The following KIAA1549 variants were observed in gnomAD, a reference collection of about 807,000 sequenced individuals.
The protein encoded by KIAA1549 is KIAA1549, also known as UPF0606 protein KIAA1549.
In KIAA1549, 70 loss-of-function variants were observed where a neutral mutation model predicts 156.4. The ratio of observed to expected loss-of-function variants is 0.45; its 90% CI spans 0.37 to 0.55. The LOEUF is 0.55. Ranked by LOEUF, KIAA1549 falls within the 20% of genes least tolerant of loss-of-function variation. KIAA1549 has a pLI of 0.00. For missense variants in KIAA1549, 2,428 were observed against 2,540.9 expected, an observed-to-expected ratio of 0.96 and a Z score of 0.96; for synonymous variants, 1,103 against 1,066.4, an observed-to-expected ratio of 1.03 and a Z score of -0.67.
At chr7:138,948,456 T>A (rs1049483250) in intron 1 of KIAA1549, among the ~76,000 whole-genome samples, 1 of 152,156 alleles carries the variant, frequency 6.6e-6, no homozygotes, top group Admixed American at 6.5e-5. Context: ...AGAGGTAGCA[T>A]GGCCCCGCCA....
chr7:138,977,604 T>A (rs898452212), intron 1 of KIAA1549, among the ~76,000 whole-genome samples: 4 of 151,628 alleles, frequency 2.6e-5, no homozygotes, highest in Admixed American at 1.3e-4. Context: ...CTGGTGGGCC[T>A]TACATTTTAA....
intron 1 of KIAA1549, among the ~76,000 whole-genome samples, chr7:138,924,325 T>G (rs1304712558): frequency 1.3e-5 from 2 of 152,180 alleles, no homozygotes; most frequent in African/African-American, 4.8e-5. Context: ...ATAAATCATT[T>G]TATGTGTCTG....
At chr7:138,879,403 A>C in intron 12 of KIAA1549, 135 bp downstream of exon 12, 1 of 606,742 alleles carries the variant, frequency 1.6e-6, no homozygotes, top group South Asian at 2.1e-5. Context: ...GGTGCTAAGA[A>C]ACCACAGGAA....
Position 138,833,067 on chromosome 7 carries a change from G to T in KIAA1549, c.*4839C>A. 1 of 232,172 alleles carries T rather than the reference G, an allele frequency of 4.3e-6. No individual in the cohort carries two copies. Among genetic ancestry groups the T allele is most frequent in the Non-Finnish European group, 8.5e-6 (1 of 117,378 alleles). 14.4% of individuals were successfully genotyped at this position (232,172 alleles called of 1,614,324 possible). A position where few individuals can be genotyped will look rare whatever the true frequency, so the allele number is the denominator to read the frequency against. On this transcript the variant is annotated 3_prime_UTR_variant, in exon 20 of 20. Transcript: ENST00000422774. ...TGCTCTGTCTGCCGGTACAGAAGTG[G>T]ACTTCCTCCTGCTCCTGTCCAGGGC...
rs1167316710 is a variant in KIAA1549 at position 138,918,798 on chromosome 7, A to G, written c.828T>C (p.Gly276=). The change falls in exon 2 of 20, where the codon GGT becomes GGC. Residue 276 remains glycine (G), a synonymous_variant. Coordinates refer to ENST00000422774, the MANE Select transcript of KIAA1549 (RefSeq NM_001164665.2). This position sits in a 1 kb window ranked among gnomAD's most constrained non-coding sequence, Gnocchi z 4.2. ...LPEIVASLTE[G]VETTLFLSSR... ...AGCTTAAAAAAAGGGTGGTTTCCAC[A>G]CCCTCTGTTAGGGAAGCCACAATCT... is the stretch of plus-strand genomic sequence containing the variant. The G allele has an allele frequency of 1.2e-6, 2 of 1,613,860 alleles. No individual in the cohort carries two copies. The highest frequency in any genetic ancestry group is 1.7e-6 in the Non-Finnish European group (2 of 1,179,896).
At chr7:138,897,014 C>T (rs773022113) in intron 9 of KIAA1549, among the ~76,000 whole-genome samples, 34 of 152,148 alleles carry the variant, frequency 2.2e-4, no homozygotes, top group Non-Finnish European at 4.4e-4. Context: ...GCTGAGGCTT[C>T]CTTCAATCGC....
intron 5 of KIAA1549, 105 bp from the exon 6 acceptor site, chr7:138,907,207 G>T: frequency 1.0e-6 from 1 of 971,690 alleles, no homozygotes. Flanking sequence ...TTTAAAGGAG[G>T]TAAAGTTTTT....
intron 1 of KIAA1549, among the ~76,000 whole-genome samples, chr7:138,975,928 C>T (rs537047104): frequency 2.6e-5 from 4 of 152,314 alleles, no homozygotes; most frequent in Admixed American, 1.3e-4. Context: ...AAGTGAGGCA[C>T]TTCCTGACAA....
chr7:138,914,522 A>G (rs566761998), intron 2 of KIAA1549, among the ~76,000 whole-genome samples: 3 of 152,282 alleles, frequency 2.0e-5, no homozygotes, highest in East Asian at 3.9e-4. Context: ...CACAGAGCAC[A>G]CAGGAAGAAT....
intron 1 of KIAA1549, among the ~76,000 whole-genome samples, chr7:138,936,453 C>T (rs1813012627): frequency 6.6e-6 from 1 of 152,176 alleles, no homozygotes; most frequent in South Asian, 2.1e-4. Flanking sequence ...CAGAGCCCTG[C>T]CTCGCACAAC....
chr7:138,846,910 G>T (rs1399171457), intron 17 of KIAA1549, among the ~76,000 whole-genome samples: 1 of 152,124 alleles, frequency 6.6e-6, no homozygotes, highest in African/African-American at 2.4e-5. Context: ...TGAAACCCAG[G>T]CTACCTATGT....
chr7:138,881,398 G>A lies in KIAA1549; in HGVS notation c.4219C>T (p.His1407Tyr). 1 of 1,613,406 alleles carries A rather than the reference G, an allele frequency of 6.2e-7. No individual in the cohort carries two copies. Among genetic ancestry groups the A allele is most frequent in the Non-Finnish European group, 8.5e-7 (1 of 1,179,720 alleles). ...AAGCCCAATAATAACCTTCCTCTGT[G>A]ACGAACATTCTTGGAAGGGATCTTT... ...KSKIPSKNVR[H>Y]RGRVSPSDAD... Residue 1407 changes from histidine to tyrosine, a missense_variant, in exon 11 of 20, where the codon CAC becomes TAC. His to Tyr is a moderately conservative substitution (Grantham distance 83). Coordinates refer to ENST00000422774, the MANE Select transcript of KIAA1549 (RefSeq NM_001164665.2).
In KIAA1549 at chr7:138,919,025, C is replaced by A. The variant is rs1584756836; in HGVS notation, c.601G>T (p.Val201Phe). 1 of 1,614,012 alleles carries A rather than the reference C, an allele frequency of 6.2e-7. No homozygotes were observed. The highest frequency in any genetic ancestry group is 1.1e-5 in the South Asian group (1 of 91,080). ...GTCACTTCTTCATCTTGTAAAGAAACCATGGGTAATGATGGAGTGAGCATA... is the reference window on the plus strand; with the variant it reads ...GTCACTTCTTCATCTTGTAAAGAAAACATGGGTAATGATGGAGTGAGCATA... Reference protein sequence around the residue: ...EPMLTPSLPMVSLQDEEVTSG... With the variant: ...EPMLTPSLPMFSLQDEEVTSG... The change falls in exon 2 of 20, where the codon GTT becomes TTT. Residue 201 changes from valine to phenylalanine, a missense_variant. Val to Phe is a conservative substitution (Grantham distance 50). Coordinates refer to ENST00000422774, the MANE Select transcript of KIAA1549 (RefSeq NM_001164665.2).
chr7:138,954,100 G>A (rs661079), intron 1 of KIAA1549, among the ~76,000 whole-genome samples: 64,186 of 152,106 alleles, frequency 0.42, 17,791 homozygotes, highest in African/African-American at 0.8. Flanking sequence ...ATACGCACAA[G>A]AAGTTAGATT....
rs372033139 is a variant in KIAA1549, at chr7:138,924,895, G to C, written c.188-5457C>G. On this transcript the variant is annotated intron_variant, in intron 1 of 19. Coordinates refer to ENST00000422774, the MANE Select transcript of KIAA1549 (RefSeq NM_001164665.2). ...TCTCTTGGATGACAGAGAAAGGAAA[G>C]GGGTTGGGGTGAGACGGGTGCTTCT... Among the ~76,000 whole-genome samples the C allele has an allele frequency of 5.3e-5, 8 of 152,324 alleles. No individual in the cohort carries two copies. In the South Asian group the frequency reaches 1.0e-3, roughly 20 times the overall value.
At chr7:138,861,574 T>C in intron 15 of KIAA1549, 118 bp from the exon 16 acceptor site, 1 of 844,364 alleles carries the variant, frequency 1.2e-6, no homozygotes. Flanking sequence ...CAGTTGAGGC[T>C]GTGCACAGTG....
Position 138,848,223 on chromosome 7 carries a change from T to A in KIAA1549, c.5295-3749A>T, listed in dbSNP as rs1810135366. On this transcript the variant is annotated intron_variant, in intron 17 of 19. Transcript: ENST00000422774. ...TTTTCTTGCCTTGTTACAGAGCAAT[T>A]TTGAATAGAAGTCATGTGAGCAGGC... Among the ~76,000 whole-genome samples the A allele has an allele frequency of 2.0e-5, 3 of 152,364 alleles. 1 individual carries two copies. The South Asian group carries it at 6.2e-4, about 32-fold the overall frequency.
chr7:138,855,737 C>A (rs984397241), intron 16 of KIAA1549, among the ~76,000 whole-genome samples: 2 of 152,112 alleles, frequency 1.3e-5, no homozygotes, highest in Admixed American at 1.3e-4. Context: ...TCTCAACCAC[C>A]CTGAAGGCTA....
At chr7:138,924,766 C>T (rs10262587) in intron 1 of KIAA1549, among the ~76,000 whole-genome samples, 1 of 151,990 alleles carries the variant, frequency 6.6e-6, no homozygotes, top group East Asian at 1.9e-4. Flanking sequence ...AAAACCCAGG[C>T]GAGTCTCTCT....
Sources: gnomAD v4.1 joint callset for allele counts (sites outside exome capture counted in the v4.1 genomes callset) on GRCh38, gnomAD v4.1.1 for gene constraint, Gnocchi (gnomAD v3.1) non-coding constraint, MANE v1.5 for transcripts, NCBI Gene and HGNC (gene_info 2026-07-23, HGNC 2026-07-21) for gene names.